Variants in SUGP2 observed in about 807,000 individuals in gnomAD.
The protein encoded by SUGP2 is SURP and G-patch domain-containing protein 2.
In SUGP2, 24 loss-of-function variants were observed where a neutral mutation model predicts 90.5. The observed-to-expected ratio is 0.27, with a 90% confidence interval of 0.19 to 0.37. The LOEUF (loss-of-function observed/expected upper bound fraction) is 0.37, where lower values mean the gene tolerates loss of function less well. Ranked by LOEUF, SUGP2 falls within the 10% of genes least tolerant of loss-of-function variation. The pLI is 1.00. For missense variants in SUGP2, 1,233 were observed against 1,363.3 expected (o/e 0.90, Z 1.51); for synonymous variants, 473 against 513.4 (o/e 0.92, Z 1.06).
At position 19,004,633 on chromosome 19, in the gene SUGP2, G is replaced by C. The variant is rs2057987941; in HGVS notation, c.2464C>G (p.Gln822Glu). The C allele has an allele frequency of 1.2e-6, 2 of 1,605,640 alleles. No individual in the cohort carries two copies. The highest frequency in any genetic ancestry group is 1.7e-5 in the Admixed American group (1 of 59,522). ...DNPDLWFLHDQNSSAFKFYRK... is the reference protein window; with the variant it reads ...DNPDLWFLHDENSSAFKFYRK... ...TAGAATTTGAAAGCAGAACTATTTT[G>C]GTCATGTAGAAACCTGGGGCACAGA... The change falls in exon 7 of 11, where the codon CAA becomes GAA. Residue 822 changes from glutamine to glutamate, a missense_variant. By Grantham distance (29) the Gln-to-Glu change is conservative. Transcript: ENST00000452918.
intron 1 of SUGP2, 101 bp downstream of exon 1, chr19:19,033,336 C>A: frequency 2.1e-5 from 23 of 1,113,006 alleles, no homozygotes; most frequent in South Asian, 8.1e-5. Flanking sequence ...GAGGGCCGAG[C>A]CTGCGACGCC....
At chr19:19,012,719 G>A (rs1209626626) in intron 4 of SUGP2, among the ~76,000 whole-genome samples, 1 of 152,168 alleles carries the variant, frequency 6.6e-6, no homozygotes, top group Non-Finnish European at 1.5e-5. Flanking sequence ...TTAGCAGATT[G>A]TCTCTGTTTA....
chr19:19,033,337 C>G (rs1325897532), intron 1 of SUGP2, 100 bp downstream of exon 1: 2 of 1,118,180 alleles, frequency 1.8e-6, no homozygotes, highest in East Asian at 5.1e-5. Flanking sequence ...AGGGCCGAGC[C>G]TGCGACGCCA....
intron 1 of SUGP2, chr19:19,033,231 G>C (rs1031761984): frequency 8.3e-6 from 3 of 360,786 alleles, no homozygotes; most frequent in Non-Finnish European, 1.2e-5. Context: ...CCGTCTCCCG[G>C]CCTCTGCGGG....
intron 6 of SUGP2, among the ~76,000 whole-genome samples, chr19:19,005,166 G>A (rs901488313): frequency 2.6e-5 from 4 of 152,168 alleles, no homozygotes; most frequent in African/African-American, 7.2e-5. Flanking sequence ...CACCTACATG[G>A]GCGTGGAGAT....
At position 18,992,472 on chromosome 19, in the gene SUGP2, C is replaced by T. The variant is rs2057403955; in HGVS notation, c.*1269G>A. 1.3e-5 allele frequency: 2 copies of T among 151,784 alleles called. No homozygotes were observed. Among genetic ancestry groups the T allele is most frequent in the African/African-American group, 2.4e-5 (1 of 41,224 alleles). 9.4% of individuals were successfully genotyped at this position (151,784 alleles called of 1,614,324 possible). A position where few individuals can be genotyped will look rare whatever the true frequency, so the allele number is the denominator to read the frequency against. ...TCAAGTGATTCTCCTGCCTCAGCCT[C>T]CTGAGTAGCTGGGATTACAGGTGCC... On this transcript the variant is annotated 3_prime_UTR_variant, in exon 11 of 11. Coordinates refer to ENST00000452918, the MANE Select transcript of SUGP2 (RefSeq NM_001017392.5).
At chr19:19,030,464 A>C (rs115711084) in intron 2 of SUGP2, among the ~76,000 whole-genome samples, 3,084 of 152,302 alleles carry the variant, frequency 0.02, 101 homozygotes, top group African/African-American at 0.07. Context: ...CAGTGAGCCA[A>C]GATCCCTCCA....
chr19:19,008,290 T>A, intron 6 of SUGP2, 27 bp downstream of exon 6: 1 of 1,544,130 alleles, frequency 6.5e-7, no homozygotes, highest in South Asian at 1.1e-5. Flanking sequence ...AAGAAAAAGG[T>A]GTGATGAGAC....
rs773102562 is a variant in SUGP2, at chr19:19,004,608, T to C, written c.2489A>G (p.Tyr830Cys). 7 of 1,612,704 alleles carry C rather than the reference T, an allele frequency of 4.3e-6. No individual in the cohort carries two copies. Among genetic ancestry groups the C allele is most frequent in the African/African-American group, 2.7e-5 (2 of 75,032 alleles). The change falls in exon 7 of 11, where the codon TAT becomes TGT. Residue 830 changes from tyrosine to cysteine, a missense_variant. Physicochemically the swap from Tyr to Cys is radical, Grantham distance 194. Coordinates refer to ENST00000452918, the MANE Select transcript of SUGP2 (RefSeq NM_001017392.5). Reference protein sequence around the residue: ...HDQNSSAFKFYRKKVFELCPS... With the variant: ...HDQNSSAFKFCRKKVFELCPS... ...ACATAGTTCAAACACTTTCTTTCGA[T>C]AGAATTTGAAAGCAGAACTATTTTG...
chr19:18,991,395 G>C lies in SUGP2; in HGVS notation c.*2346C>G, dbSNP rs917950620. 1 of 152,244 alleles carries C rather than the reference G, an allele frequency of 6.6e-6. No homozygotes were observed. Among genetic ancestry groups the C allele is most frequent in the African/African-American group, 2.4e-5 (1 of 41,440 alleles). The allele number at this position is 152,244 out of a possible 1,614,324, so 9.4% of individuals were successfully genotyped here. The stretch of plus-strand genomic sequence containing the variant: ...GCCCCAGCGCTGAATCCACAGGAGA[G>C]GTGTCCTCTGAGAGTGTAGGGGGCT... On this transcript the variant is annotated 3_prime_UTR_variant, in exon 11 of 11. Coordinates refer to ENST00000452918, the MANE Select transcript of SUGP2 (RefSeq NM_001017392.5).
chr19:19,001,595 AC>A lies in SUGP2; in HGVS notation c.2991+17del. ...ACCAACTATACTTTGAGTGAGGACT[AC>A]CAATGATTACGCTCACCTTCTTTTT... is the stretch of plus-strand genomic sequence containing the variant. On this transcript the variant is annotated intron_variant, in intron 8 of 10. Transcript: ENST00000452918. 1 of 1,613,568 alleles carries A rather than the reference AC, an allele frequency of 6.2e-7. No individual in the cohort carries two copies. The highest frequency in any genetic ancestry group is 8.5e-7 in the Non-Finnish European group (1 of 1,179,434).
chr19:19,019,991 CAAA>C (rs11434968), intron 3 of SUGP2, among the ~76,000 whole-genome samples: 930 of 34,772 alleles, frequency 0.027, 18 homozygotes, highest in African/African-American at 0.11. Context: ...TGCTAAAATA[CAAA>C]AAAAAAAAAA....
chr19:19,024,559 A>G, intron 3 of SUGP2, 60 bp downstream of exon 3: 28 of 1,528,692 alleles, frequency 1.8e-5, no homozygotes, highest in Non-Finnish European at 2.5e-5. Flanking sequence ...ATCTCGAATA[A>G]AAGACATTAC....
Position 19,024,669 on chromosome 19 carries a change from G to C in SUGP2, c.1679C>G (p.Pro560Arg). 1 of 1,614,158 alleles carries C rather than the reference G, an allele frequency of 6.2e-7. No individual in the cohort carries two copies. Among genetic ancestry groups the C allele is most frequent in the Non-Finnish European group, 8.5e-7 (1 of 1,180,044 alleles). The change falls in exon 3 of 11, where the codon CCT becomes CGT. Residue 560 changes from proline to arginine, a missense_variant. Physicochemically the swap from Pro to Arg is moderately radical, Grantham distance 103. Coordinates refer to ENST00000452918, the MANE Select transcript of SUGP2 (RefSeq NM_001017392.5). ...GGCCTGAATTTCAGGTTTCGTAGGA[G>C]GAATCATTTTCTCCTCCTCTCGCAT... is the stretch of plus-strand genomic sequence containing the variant. ...EPMREEEKMI[P>R]PTKPEIQAKA...
rs143059697 is a variant in SUGP2, at chr19:18,999,726, C to A, written c.2991+1887G>T. Among the ~76,000 whole-genome samples, 376 of 152,278 alleles carry A rather than the reference C, an allele frequency of 2.5e-3. 5 individuals carry two copies. The highest frequency in any genetic ancestry group is 8.5e-3 in the African/African-American group (354 of 41,560). On this transcript the variant is annotated intron_variant, in intron 8 of 10. Transcript: ENST00000452918. The stretch of plus-strand genomic sequence containing the variant: ...ACCAGCAGAGCGATCTCGCCTGGCT[C>A]CCCGCCCTCCTCCCTGACCATGAAG...
intron 3 of SUGP2, among the ~76,000 whole-genome samples, chr19:19,022,297 C>T (rs1031162370): frequency 2.0e-5 from 3 of 152,158 alleles, no homozygotes; most frequent in Non-Finnish European, 4.4e-5. Flanking sequence ...TATAGCATTT[C>T]TAACAGGAAC....
At position 19,025,005 on chromosome 19, in the gene SUGP2, T is replaced by C; in HGVS notation, c.1343A>G (p.Asn448Ser). The C allele has an allele frequency of 6.2e-7, 1 of 1,614,218 alleles. No homozygotes were observed. The highest frequency in any genetic ancestry group is 8.5e-7 in the Non-Finnish European group (1 of 1,180,034). Residue 448 changes from asparagine to serine, a missense_variant, in exon 3 of 11, where the codon AAT (asparagine) becomes AGT (serine). By Grantham distance (46) the Asn-to-Ser change is conservative. This residue lies in a region of SUGP2 where 59 missense variants were observed against 92.6 expected (regional missense o/e 0.64). Coordinates refer to ENST00000452918, the MANE Select transcript of SUGP2 (RefSeq NM_001017392.5). Reference sequence around the variant, plus strand: ...CATCTTGACACTTAGCTCGTAGGCATTGCAGGCCATAAGCAAAGGTGTGAC... The same window carrying C: ...CATCTTGACACTTAGCTCGTAGGCACTGCAGGCCATAAGCAAAGGTGTGAC... ...KSVTPLLMACNAYELSVKMKT... is the reference protein window; with the variant it reads ...KSVTPLLMACSAYELSVKMKT...
chr19:19,016,538 C>T (rs765154770), intron 4 of SUGP2, among the ~76,000 whole-genome samples: 3 of 152,118 alleles, frequency 2.0e-5, no homozygotes, highest in Non-Finnish European at 2.9e-5. Flanking sequence ...GTCTGGATGC[C>T]TTCTTACCAA....
At chr19:19,008,599 C>G (rs2058180282) in intron 5 of SUGP2, among the ~76,000 whole-genome samples, 171 bp from the exon 6 acceptor site, 1 of 152,174 alleles carries the variant, frequency 6.6e-6, no homozygotes, top group South Asian at 2.1e-4. Flanking sequence ...CTCTGTGTAT[C>G]CCCACCTTGA....
Sources: gnomAD v4.1 joint callset for allele counts (sites outside exome capture counted in the v4.1 genomes callset) on GRCh38, gnomAD v4.1.1 for gene constraint, gnomAD v4.1.1 regional missense constraint, MANE v1.5 for transcripts, NCBI Gene and HGNC (gene_info 2026-07-23, HGNC 2026-07-21) for gene names.